PTPRT: variants seen among roughly 807,000 people sequenced by gnomAD.
The protein encoded by PTPRT is protein tyrosine phosphatase receptor type T, also known as receptor-type tyrosine-protein phosphatase T.
In PTPRT, 56 loss-of-function variants were observed where a neutral mutation model predicts 176.8. That is an observed-to-expected ratio of 0.32 (90% CI 0.26 to 0.40). The LOEUF is 0.40. PTPRT is among the 10% of genes least tolerant of loss of function. The pLI is 1.00. For missense variants in PTPRT, 1,540 were observed against 1,908.2 expected (o/e 0.81, Z 3.60); for synonymous variants, 783 against 739.0 (o/e 1.06, Z -0.96).
chr20:42,163,187 C>T (rs117152653), intron 16 of PTPRT, among the ~76,000 whole-genome samples: 3,891 of 152,164 alleles, frequency 0.026, 80 homozygotes, highest in South Asian at 0.045. Context: ...CTGATGGGGT[C>T]GTACCTAATT....
intron 9 of PTPRT, among the ~76,000 whole-genome samples, chr20:42,357,165 C>A (rs185957057): frequency 6.6e-6 from 1 of 152,314 alleles, no homozygotes; most frequent in East Asian, 1.9e-4. Flanking sequence ...AAGTCAAATT[C>A]AATCTACCAT....
At chr20:42,850,142 C>G (rs1380107460) in intron 2 of PTPRT, among the ~76,000 whole-genome samples, 1 of 152,184 alleles carries the variant, frequency 6.6e-6, no homozygotes, top group Non-Finnish European at 1.5e-5. Flanking sequence ...AGCAAGTTCC[C>G]CCCTTCAGGT....
At chr20:42,672,935 C>T (rs2075437884) in intron 7 of PTPRT, among the ~76,000 whole-genome samples, 2 of 152,232 alleles carry the variant, frequency 1.3e-5, no homozygotes, top group Admixed American at 6.5e-5. Context: ...ACTAAGCCAA[C>T]CTCTGCCACC....
chr20:42,169,338 C>T (rs544911431), intron 16 of PTPRT, among the ~76,000 whole-genome samples: 170 of 152,236 alleles, frequency 1.1e-3, no homozygotes, highest in Non-Finnish European at 1.8e-3. Flanking sequence ...AGAGATCAAT[C>T]CTCCTGCTTG....
intron 1 of PTPRT, among the ~76,000 whole-genome samples, chr20:43,018,253 A>G (rs1308092739): frequency 6.6e-6 from 1 of 152,260 alleles, no homozygotes; most frequent in African/African-American, 2.4e-5. Flanking sequence ...ATAAAGGCCA[A>G]GCAACCCAAT....
chr20:42,635,602 T>A (rs1388593266), intron 7 of PTPRT, among the ~76,000 whole-genome samples: 2 of 152,192 alleles, frequency 1.3e-5, no homozygotes, highest in Non-Finnish European at 2.9e-5. Flanking sequence ...CACAGATATG[T>A]GTAGTAATAT....
chr20:42,400,091 C>A (rs2058890485), intron 9 of PTPRT, among the ~76,000 whole-genome samples: 1 of 152,182 alleles, frequency 6.6e-6, no homozygotes, highest in South Asian at 2.1e-4. Context: ...TCAGATGCCT[C>A]ATGTTGTCTT....
chr20:43,034,297 AC>A (rs1314053024), intron 1 of PTPRT, among the ~76,000 whole-genome samples: 1 of 151,944 alleles, frequency 6.6e-6, no homozygotes, highest in Non-Finnish European at 1.5e-5. Flanking sequence ...AAAGAGGGAA[AC>A]CCCCTCCCTT....
In PTPRT at chr20:42,350,222, T is replaced by TG. The variant is rs1568799257; in HGVS notation, c.1865+405_1865+406insC. On this transcript the variant is annotated intron_variant, in intron 11 of 30. Transcript: ENST00000373187. ...TGATTAGGATGTTTCTTGTTTTTTT[T>TG]TTTTTTTTTTTTTTTTTTTTTTTTG... 9.8e-4 allele frequency among the ~76,000 whole-genome samples: 55 copies of TG among 55,956 alleles called. 1 individual carries two copies. The highest frequency in any genetic ancestry group is 1.3e-3 in the Admixed American group (6 of 4,494). The allele number at this position is 55,956 out of a possible 152,430, so 36.7% of individuals were successfully genotyped here.
intron 7 of PTPRT, among the ~76,000 whole-genome samples, chr20:42,563,238 A>G (rs2072982599): frequency 6.6e-6 from 1 of 152,224 alleles, no homozygotes. Flanking sequence ...AAAAAAATGC[A>G]TAAAGAAGTA....
At chr20:42,344,296 G>A (rs1486356277) in intron 11 of PTPRT, among the ~76,000 whole-genome samples, 3 of 152,150 alleles carry the variant, frequency 2.0e-5, no homozygotes, top group Non-Finnish European at 2.9e-5. Context: ...CCCATTTATC[G>A]ACAAGCAACT....
At chr20:42,625,642 G>A (rs890431750) in intron 7 of PTPRT, among the ~76,000 whole-genome samples, 1 of 152,020 alleles carries the variant, frequency 6.6e-6, no homozygotes, top group African/African-American at 2.4e-5. Context: ...AGAGACCCAA[G>A]TGATGGATGG....
intron 2 of PTPRT, among the ~76,000 whole-genome samples, chr20:42,793,532 C>T (rs914429161): frequency 6.6e-6 from 1 of 152,186 alleles, no homozygotes; most frequent in African/African-American, 2.4e-5. Flanking sequence ...GTAGCACCTC[C>T]TGGGGAAGGA....
At chr20:43,142,570 G>A (rs939771234) in intron 1 of PTPRT, among the ~76,000 whole-genome samples, 14 of 152,124 alleles carry the variant, frequency 9.2e-5, no homozygotes, top group African/African-American at 3.4e-4. Context: ...GCTGTCTACA[G>A]AAGGAAAAAA....
chr20:42,124,490 A>T (rs1178105188), intron 19 of PTPRT, among the ~76,000 whole-genome samples: 2 of 152,210 alleles, frequency 1.3e-5, no homozygotes, highest in Admixed American at 6.5e-5. Context: ...GATGGTTCAG[A>T]CAGTAACAGA....
At chr20:42,405,155 G>C (rs2058948356) in intron 9 of PTPRT, among the ~76,000 whole-genome samples, 1 of 149,280 alleles carries the variant, frequency 6.7e-6, no homozygotes, top group South Asian at 2.1e-4. Context: ...CATACATTCT[G>C]TTATACAAGT....
chr20:42,355,089 CTGTT>C (rs982823695), intron 9 of PTPRT, among the ~76,000 whole-genome samples: 5 of 152,250 alleles, frequency 3.3e-5, no homozygotes, highest in East Asian at 1.9e-4. Flanking sequence ...ATCTGCCTCT[CTGTT>C]TGAGGACTTT....
chr20:42,621,529 G>A (rs2145858619), intron 7 of PTPRT, among the ~76,000 whole-genome samples: 1 of 152,256 alleles, frequency 6.6e-6, no homozygotes, highest in Non-Finnish European at 1.5e-5. Flanking sequence ...GCCCTCTTAA[G>A]GGGCCGCTTG....
At position 42,527,656 on chromosome 20, in the gene PTPRT, C is replaced by T. The variant is rs74585060; in HGVS notation, c.1154-55094G>A. Among the ~76,000 whole-genome samples the T allele has an allele frequency of 1.2e-3, 187 of 152,272 alleles. 1 individual carries two copies. Among genetic ancestry groups the T allele is most frequent in the Non-Finnish European group, 2.5e-3 (168 of 68,008 alleles). ...TCAAAATCAGAAGTCTGTTCCTCAC[C>T]TTTCTTAACAACCTTTGATATGGAA... is the stretch of plus-strand genomic sequence containing the variant. On this transcript the variant is annotated intron_variant, in intron 7 of 30. Transcript: ENST00000373187.
Sources: gnomAD v4.1 joint callset for allele counts (sites outside exome capture counted in the v4.1 genomes callset) on GRCh38, gnomAD v4.1.1 for gene constraint, MANE v1.5 for transcripts, NCBI Gene and HGNC (gene_info 2026-07-23, HGNC 2026-07-21) for gene names.